The following MED13L variants were observed in gnomAD, a reference collection of about 807,000 sequenced individuals.
MED13L encodes the protein mediator complex subunit 13L.
In MED13L, 7 loss-of-function variants were observed where a neutral mutation model predicts 220.9. That is an observed-to-expected ratio of 0.03 (90% CI 0.02 to 0.06). The LOEUF is 0.06. MED13L is among the 10% of genes least tolerant of loss of function. MED13L has a pLI of 1.00. For synonymous variants in MED13L, 1,011 were observed against 1,015.2 expected (o/e 1.00, Z 0.08); for missense variants, 1,965 against 2,760.5 (o/e 0.71, Z 6.46).
intron 4 of MED13L, among the ~76,000 whole-genome samples, chr12:116,067,752 C>T (rs1870056375): frequency 6.6e-6 from 1 of 152,180 alleles, no homozygotes; most frequent in Admixed American, 6.5e-5. Flanking sequence ...AAGCACCAGA[C>T]ACTTGCGTAT....
chr12:116,224,995 C>A (rs1235952396), intron 2 of MED13L, among the ~76,000 whole-genome samples: 2 of 152,216 alleles, frequency 1.3e-5, no homozygotes, highest in Non-Finnish European at 2.9e-5. Context: ...CCAAGCCCAA[C>A]ACACCTTACA....
intron 2 of MED13L, among the ~76,000 whole-genome samples, chr12:116,134,416 T>C (rs1159691478): frequency 6.6e-6 from 1 of 152,190 alleles, no homozygotes; most frequent in African/African-American, 2.4e-5. Context: ...AAAATTTTTA[T>C]GAGAACCCTG....
intron 1 of MED13L, among the ~76,000 whole-genome samples, chr12:116,251,903 A>G (rs1407729379): frequency 6.6e-6 from 1 of 152,082 alleles, no homozygotes; most frequent in Non-Finnish European, 1.5e-5. Context: ...GGCAACATTA[A>G]TATCAAAGTT....
chr12:115,969,230 T>A, intron 27 of MED13L, 133 bp from the exon 28 acceptor site: 1 of 980,058 alleles, frequency 1.0e-6, no homozygotes, highest in Non-Finnish European at 1.5e-6. Context: ...GTTAATAACT[T>A]AGATTCAGTT....
intron 2 of MED13L, among the ~76,000 whole-genome samples, chr12:116,184,694 T>C (rs1041734685): frequency 2.2e-4 from 33 of 152,262 alleles, no homozygotes; most frequent in Admixed American, 4.6e-4. Context: ...TTCACCCCAC[T>C]AAAATAAATT....
chr12:116,034,789 T>C (rs983100121), intron 4 of MED13L, among the ~76,000 whole-genome samples: 9 of 152,104 alleles, frequency 5.9e-5, no homozygotes, highest in African/African-American at 2.2e-4. Flanking sequence ...GTAGATCACC[T>C]GAGGTTGGGA....
chr12:115,992,420 G>A (rs1878124815), intron 16 of MED13L, among the ~76,000 whole-genome samples: 1 of 151,742 alleles, frequency 6.6e-6, no homozygotes, highest in South Asian at 2.1e-4. Flanking sequence ...GAAATTCAAA[G>A]TCTGCCAGTG....
At chr12:116,124,112 AGAGAGAAAGAC>A (rs1237681798) in intron 2 of MED13L, among the ~76,000 whole-genome samples, 1 of 139,736 alleles carries the variant, frequency 7.2e-6, no homozygotes, top group Non-Finnish European at 1.5e-5. Flanking sequence ...CTGCAGAGAG[AGAGAGAAAGAC>A]GAGAGAGAGA....
intron 6 of MED13L, 63 bp from the exon 7 acceptor site, chr12:116,019,475 T>C: frequency 1.3e-6 from 2 of 1,560,674 alleles, no homozygotes; most frequent in Non-Finnish European, 1.8e-6. Flanking sequence ...AGACTTCCAA[T>C]TTTATGATTC....
chr12:116,004,804 T>C (rs1190037708), intron 13 of MED13L, among the ~76,000 whole-genome samples: 1 of 152,200 alleles, frequency 6.6e-6, no homozygotes, highest in Non-Finnish European at 1.5e-5. Flanking sequence ...TAATGGTATA[T>C]AATATCTGTT....
chr12:116,096,588 G>A (rs1022783868), intron 4 of MED13L, 81 bp downstream of exon 4: 4 of 1,008,960 alleles, frequency 4.0e-6, no homozygotes, highest in South Asian at 1.3e-5. Flanking sequence ...AACATTATTA[G>A]GAAATAAATA....
chr12:116,002,304 T>C (rs1878794713), intron 14 of MED13L, among the ~76,000 whole-genome samples: 1 of 152,252 alleles, frequency 6.6e-6, no homozygotes, highest in Non-Finnish European at 1.5e-5. Flanking sequence ...ATAAAGCTTT[T>C]TGACTCATCC....
In MED13L at chr12:115,998,715, C is replaced by T. The variant is rs150216953; in HGVS notation, c.2570-1485G>A. Among the ~76,000 whole-genome samples, 518 of 152,306 alleles carry T rather than the reference C, an allele frequency of 3.4e-3. 5 individuals are homozygous for T. The highest frequency in any genetic ancestry group is 0.02 in the Middle Eastern group (6 of 294). On this transcript the variant is annotated intron_variant, in intron 14 of 30. Transcript: ENST00000281928. ...GTGAAACAACTGTATAATCCTAAAT[C>T]ATTTAGCCTCTCTTGGCCTGTGGAG...
intron 2 of MED13L, among the ~76,000 whole-genome samples, chr12:116,195,684 C>G (rs1330789330): frequency 2.6e-5 from 4 of 151,994 alleles, no homozygotes; most frequent in Non-Finnish European, 5.9e-5. Context: ...CTCCTGACCT[C>G]AAGCGATCCA....
intron 27 of MED13L, 129 bp downstream of exon 27, chr12:115,970,465 C>G: frequency 1.1e-6 from 1 of 898,208 alleles, no homozygotes; most frequent in Non-Finnish European, 1.7e-6. Context: ...CTCAAACCTT[C>G]TATCCCCTCT....
At chr12:115,995,181 C>A (rs1488657388) in intron 16 of MED13L, among the ~76,000 whole-genome samples, 1 of 152,142 alleles carries the variant, frequency 6.6e-6, no homozygotes, top group Non-Finnish European at 1.5e-5. Flanking sequence ...CAGAAGGTCA[C>A]AAACTTGCAG....
chr12:116,276,634 G>A, intron 1 of MED13L: 2 of 1,199,026 alleles, frequency 1.7e-6, no homozygotes, highest in Admixed American at 3.5e-5. Flanking sequence ...CGGGCGGGCA[G>A]GCAGCTGATC....
At chr12:116,165,747 T>C (rs777106088) in intron 2 of MED13L, among the ~76,000 whole-genome samples, 1 of 152,116 alleles carries the variant, frequency 6.6e-6, no homozygotes, top group Non-Finnish European at 1.5e-5. Context: ...CCACCTTCAA[T>C]TCCTGCTTAA....
chr12:116,116,854 G>A (rs1007714328), intron 2 of MED13L, among the ~76,000 whole-genome samples: 1 of 150,014 alleles, frequency 6.7e-6, no homozygotes, highest in Non-Finnish European at 1.5e-5. Flanking sequence ...AGTGTTTTGT[G>A]TTGTGAGAGT....
Sources: gnomAD v4.1 joint callset for allele counts (sites outside exome capture counted in the v4.1 genomes callset) on GRCh38, gnomAD v4.1.1 for gene constraint, MANE v1.5 for transcripts, NCBI Gene and HGNC (gene_info 2026-07-23, HGNC 2026-07-21) for gene names.